The following IL1RAPL2 variants were observed in gnomAD, a reference collection of about 807,000 sequenced individuals.
The protein encoded by IL1RAPL2 is X-linked interleukin-1 receptor accessory protein-like 2.
Under a neutral mutation model 44.1 loss-of-function variants are expected in IL1RAPL2, and 3 were observed. That is an observed-to-expected ratio of 0.07 (90% CI 0.03 to 0.18). The LOEUF is 0.18. IL1RAPL2 is among the 10% of genes least tolerant of loss of function. IL1RAPL2 has a pLI of 1.00. For synonymous variants in IL1RAPL2, 181 were observed against 178.8 expected, an observed-to-expected ratio of 1.01 and a Z score of -0.10; for missense variants, 391 against 496.4, an observed-to-expected ratio of 0.79 and a Z score of 2.02.
At chrX:104,792,491 A>C (rs1932831081) in intron 2 of IL1RAPL2, among the ~76,000 whole-genome samples, 1 of 111,553 alleles carries the variant, frequency 9.0e-6, no homozygotes, top group Non-Finnish European at 1.9e-5. Context: ...CACAATGTGC[A>C]TTGAAGACTC....
At chrX:104,731,559 T>C (rs12687968) in intron 2 of IL1RAPL2, among the ~76,000 whole-genome samples, 41,650 of 109,551 alleles carry the variant, frequency 0.38, 6,061 homozygotes, top group East Asian at 0.46. Flanking sequence ...GGCACAACCA[T>C]GCCCAGCTAA....
chrX:105,623,191 A>G (rs2037432070), intron 6 of IL1RAPL2, among the ~76,000 whole-genome samples: 1 of 110,522 alleles, frequency 9.0e-6, no homozygotes, highest in Non-Finnish European at 1.9e-5. Context: ...CCCAATTTAT[A>G]CACAAGAATA....
intron 2 of IL1RAPL2, among the ~76,000 whole-genome samples, chrX:104,822,989 A>G (rs1352725337): frequency 9.0e-6 from 1 of 111,357 alleles, no homozygotes; most frequent in Non-Finnish European, 1.9e-5. Flanking sequence ...TGTAATTTGT[A>G]TTCCTAGGTA....
chrX:104,634,274 C>T (rs1241718732), intron 1 of IL1RAPL2, among the ~76,000 whole-genome samples: 4 of 111,178 alleles, frequency 3.6e-5, no homozygotes, highest in Non-Finnish European at 7.5e-5. Flanking sequence ...CTGTGTGGTC[C>T]ATTTTGGAAT....
chrX:104,930,020 G>A (rs183250274), intron 2 of IL1RAPL2, among the ~76,000 whole-genome samples: 3 of 111,233 alleles, frequency 2.7e-5, no homozygotes, highest in African/African-American at 9.8e-5. Flanking sequence ...GTTCTTTTTC[G>A]ACATTAACTC....
intron 2 of IL1RAPL2, among the ~76,000 whole-genome samples, chrX:104,660,184 A>G (rs1339018604): frequency 9.0e-6 from 1 of 111,136 alleles, no homozygotes; most frequent in African/African-American, 3.3e-5. Context: ...TATTTTACCT[A>G]TTATCTCTCC....
chrX:104,982,097 C>A (rs750541623), intron 2 of IL1RAPL2, among the ~76,000 whole-genome samples: 20 of 110,619 alleles, frequency 1.8e-4, no homozygotes, highest in African/African-American at 6.2e-4. Context: ...CTGTGACATG[C>A]AATTTATACA....
At chrX:105,405,597 G>A in intron 5 of IL1RAPL2, 2 of 965,357 alleles carry the variant, frequency 2.1e-6, no homozygotes, top group Admixed American at 4.6e-5. Flanking sequence ...GTGGGAGGAG[G>A]ACCAGGTGGG....
intron 2 of IL1RAPL2, among the ~76,000 whole-genome samples, chrX:104,882,290 A>G (rs1048885786): frequency 8.9e-6 from 1 of 112,440 alleles, no homozygotes; most frequent in Non-Finnish European, 1.9e-5. Context: ...TGTGGGGACT[A>G]TGAGCAAAAG....
intron 2 of IL1RAPL2, among the ~76,000 whole-genome samples, chrX:104,814,309 C>T (rs967859093): frequency 8.9e-6 from 1 of 112,359 alleles, no homozygotes; most frequent in African/African-American, 3.2e-5. Flanking sequence ...TTTCTCTGAA[C>T]TGTATCGTAC....
intron 2 of IL1RAPL2, among the ~76,000 whole-genome samples, chrX:104,711,028 A>G (rs1265562116): frequency 9.0e-6 from 1 of 111,715 alleles, no homozygotes; most frequent in Non-Finnish European, 1.9e-5. Flanking sequence ...ATATGCCAGA[A>G]GGCATTGTTA....
At chrX:104,623,074 T>C (rs1040191113) in intron 1 of IL1RAPL2, among the ~76,000 whole-genome samples, 1 of 111,160 alleles carries the variant, frequency 9.0e-6, no homozygotes, top group Non-Finnish European at 1.9e-5. Context: ...AAGTTTTGTC[T>C]CATAATGTCT....
intron 5 of IL1RAPL2, among the ~76,000 whole-genome samples, chrX:105,439,996 T>G (rs1027496194): frequency 1.8e-5 from 2 of 111,943 alleles, no homozygotes; most frequent in African/African-American, 6.5e-5. Flanking sequence ...AATTGAAACA[T>G]ACAGACTCAG....
intron 5 of IL1RAPL2, among the ~76,000 whole-genome samples, chrX:105,292,372 C>A (rs143330884): frequency 4.9e-4 from 55 of 112,345 alleles, no homozygotes; most frequent in East Asian, 4.5e-3. Flanking sequence ...TTCAGCTAAT[C>A]CTTAAGAAAC....
intron 2 of IL1RAPL2, among the ~76,000 whole-genome samples, chrX:105,167,323 A>G (rs764536325): frequency 1.8e-5 from 2 of 112,841 alleles, no homozygotes; most frequent in South Asian, 3.7e-4. Flanking sequence ...GAATGATTTC[A>G]TAACTCTGAG....
chrX:105,399,660 C>T (rs772722086), intron 5 of IL1RAPL2, among the ~76,000 whole-genome samples: 4 of 111,420 alleles, frequency 3.6e-5, no homozygotes, highest in African/African-American at 9.7e-5. Flanking sequence ...ATTTGCCAGT[C>T]TACTTTTAAG....
chrX:105,220,533 A>G, intron 3 of IL1RAPL2: 1 of 597,330 alleles, frequency 1.7e-6, no homozygotes. Flanking sequence ...CTCTGACAAG[A>G]CCGTCCTAAT....
In IL1RAPL2 at chrX:105,413,616, C is replaced by T. The variant is rs112338626; in HGVS notation, c.698-70697C>T. On this transcript the variant is annotated intron_variant, in intron 5 of 10. Transcript: ENST00000372582. Reference sequence around the variant, plus strand: ...ATTTCATTTTTAGCTCATCAGGACTCATGCTGGAATTCTAATCTATAGAAC... The same window carrying T: ...ATTTCATTTTTAGCTCATCAGGACTTATGCTGGAATTCTAATCTATAGAAC... 1.1e-3 allele frequency among the ~76,000 whole-genome samples: 125 copies of T among 112,366 alleles called. 1 individual carries two copies. The highest frequency in any genetic ancestry group is 3.8e-3 in the African/African-American group (118 of 30,951).
chrX:105,597,641 C>A (rs1437505174), intron 6 of IL1RAPL2, among the ~76,000 whole-genome samples: 1 of 111,040 alleles, frequency 9.0e-6, no homozygotes, highest in African/African-American at 3.3e-5. Flanking sequence ...AGGATAGTAC[C>A]AAGAGGGATG....
Sources: gnomAD v4.1 joint callset for allele counts (sites outside exome capture counted in the v4.1 genomes callset) on GRCh38, gnomAD v4.1.1 for gene constraint, MANE v1.5 for transcripts, NCBI Gene and HGNC (gene_info 2026-07-23, HGNC 2026-07-21) for gene names.